MFHAS1: variants seen among roughly 807,000 people sequenced by gnomAD.
MFHAS1 encodes malignant fibrous histiocytoma-amplified sequence 1.
MFHAS1 carries 50 observed loss-of-function variants against 70.4 expected under a neutral mutation model. The observed-to-expected ratio is 0.71, with a 90% confidence interval of 0.57 to 0.90. MFHAS1 has a LOEUF of 0.90. Among genes scored for constraint, MFHAS1 ranks in the 40% least tolerant of loss-of-function variants. The pLI, the probability that MFHAS1 is intolerant of heterozygous loss-of-function variation, is 0.00. For missense variants in MFHAS1, 1,795 were observed against 1,347.6 expected, an observed-to-expected ratio of 1.33 and a Z score of -5.20; for synonymous variants, 952 against 620.0, an observed-to-expected ratio of 1.54 and a Z score of -7.96.
chr8:8,827,484 A>AT (rs1451323766), intron 1 of MFHAS1, among the ~76,000 whole-genome samples: 1 of 152,150 alleles, frequency 6.6e-6, no homozygotes, highest in African/African-American at 2.4e-5. Context: ...AGACCTCTTT[A>AT]TTTTCCTTTG....
At chr8:8,840,682 T>G (rs1807787423) in intron 1 of MFHAS1, among the ~76,000 whole-genome samples, 1 of 152,150 alleles carries the variant, frequency 6.6e-6, no homozygotes, top group South Asian at 2.1e-4. Context: ...AACATTCCTT[T>G]AGGAACAAGT....
chr8:8,875,286 G>A (rs755350339), intron 1 of MFHAS1, among the ~76,000 whole-genome samples: 2 of 152,066 alleles, frequency 1.3e-5, no homozygotes, highest in Non-Finnish European at 2.9e-5. Context: ...AAAAAAAACT[G>A]GGAACAAGAG....
chr8:8,795,869 A>G (rs1023680954), intron 2 of MFHAS1, among the ~76,000 whole-genome samples: 1 of 152,214 alleles, frequency 6.6e-6, no homozygotes, highest in African/African-American at 2.4e-5. Flanking sequence ...GCTTAGATTC[A>G]TACATAATTT....
At chr8:8,849,265 G>C (rs910453543) in intron 1 of MFHAS1, among the ~76,000 whole-genome samples, 3 of 151,864 alleles carry the variant, frequency 2.0e-5, no homozygotes, top group Non-Finnish European at 1.5e-5. Context: ...ATTTTTAATA[G>C]AGACAGGGTT....
intron 2 of MFHAS1, among the ~76,000 whole-genome samples, chr8:8,790,606 C>G (rs1014646666): frequency 2.0e-5 from 3 of 152,218 alleles, no homozygotes; most frequent in Non-Finnish European, 4.4e-5. Context: ...CACAGGCAAC[C>G]TCCACATGTG....
In MFHAS1 at chr8:8,838,170, G is replaced by C. The variant is rs140033577; in HGVS notation, c.2999-40679C>G. Among the ~76,000 whole-genome samples the C allele has an allele frequency of 6.0e-3, 913 of 152,276 alleles. 41 individuals are homozygous for C. The highest frequency in any genetic ancestry group is 2.9e-3 in the East Asian group (15 of 5,182). On this transcript the variant is annotated intron_variant, in intron 1 of 2. Transcript: ENST00000276282. ...GAAAAGGTCAGACAAAAGACTATCCGTTAGGATTTCTACGAAGCTCTAGAC... is the reference window on the plus strand; with the variant it reads ...GAAAAGGTCAGACAAAAGACTATCCCTTAGGATTTCTACGAAGCTCTAGAC...
rs923405383 is a variant in MFHAS1 at position 8,892,738 on chromosome 8, G to C, written c.321C>G (p.Ala107=). 86 of 1,520,824 alleles carry C rather than the reference G, an allele frequency of 5.7e-5. No homozygotes were observed. The highest frequency in any genetic ancestry group is 7.4e-5 in the Non-Finnish European group (83 of 1,126,598). The allele number at this position is 1,520,824 out of a possible 1,614,324, so 94.2% of individuals were successfully genotyped here. Residue 107 remains alanine, a synonymous_variant, in exon 1 of 3, where the codon GCC becomes GCG. Coordinates refer to ENST00000276282, the MANE Select transcript of MFHAS1 (RefSeq NM_004225.3). This position sits in a 1 kb window ranked among gnomAD's most constrained non-coding sequence, Gnocchi z 4.7. Reference sequence around the variant, plus strand: ...GCTCGGTGAGGTGGTGGCCGAGCTCGGCCACCGCCGGGGGCAGCCGGGCGA... The same window carrying C: ...GCTCGGTGAGGTGGTGGCCGAGCTCCGCCACCGCCGGGGGCAGCCGGGCGA... The part of the protein sequence containing the change: ...NRFARLPPAV[A]ELGHHLTELD...
intron 1 of MFHAS1, among the ~76,000 whole-genome samples, chr8:8,805,667 G>A (rs1006859053): frequency 1.3e-5 from 2 of 152,100 alleles, no homozygotes; most frequent in Non-Finnish European, 1.5e-5. Flanking sequence ...TCCCTTTCAT[G>A]ACAACCTTTT....
intron 1 of MFHAS1, among the ~76,000 whole-genome samples, chr8:8,883,229 C>G (rs562546921): frequency 1.3e-5 from 2 of 152,262 alleles, no homozygotes; most frequent in African/African-American, 4.8e-5. Context: ...GATGTGCTTT[C>G]CACAAAGACT....
At chr8:8,874,812 G>A (rs774440397) in intron 1 of MFHAS1, among the ~76,000 whole-genome samples, 6 of 150,850 alleles carry the variant, frequency 4.0e-5, no homozygotes, top group Non-Finnish European at 3.0e-5. Flanking sequence ...AGCAAAGAGG[G>A]GAACAAGCTA....
chr8:8,891,153 G>C lies in MFHAS1; in HGVS notation c.1906C>G (p.Arg636Gly), dbSNP rs898230991. ...PVSCRDPRHL[R>G]RLRDKLLSVA... ...GACAGCAACTTGTCCCGAAGGCGTC[G>C]TAAGTGGCGCGGGTCCCTGCAGCTA... The change falls in exon 1 of 3, where the codon CGA (arginine) becomes GGA (glycine). Residue 636 changes from arginine to glycine, a missense_variant. Coordinates refer to ENST00000276282, the MANE Select transcript of MFHAS1 (RefSeq NM_004225.3). The surrounding 1 kb of genome is among the most constrained non-coding windows in gnomAD (Gnocchi z 5.4). The C allele has an allele frequency of 6.2e-6, 10 of 1,613,584 alleles. No individual in the cohort carries two copies. The highest frequency in any genetic ancestry group is 3.3e-5 in the Admixed American group (2 of 60,028).
chr8:8,871,772 T>C (rs1456347581), intron 1 of MFHAS1, among the ~76,000 whole-genome samples: 4 of 152,236 alleles, frequency 2.6e-5, no homozygotes, highest in African/African-American at 4.8e-5. Flanking sequence ...AAGGCTCAGA[T>C]GCATGGGCTC....
At chr8:8,787,725 G>T (rs1455800569) in intron 2 of MFHAS1, among the ~76,000 whole-genome samples, 1 of 152,172 alleles carries the variant, frequency 6.6e-6, no homozygotes, top group African/African-American at 2.4e-5. Flanking sequence ...GTGAGTTTTG[G>T]GTTCACGTGG....
At chr8:8,812,546 T>C (rs964238632) in intron 1 of MFHAS1, among the ~76,000 whole-genome samples, 5 of 152,170 alleles carry the variant, frequency 3.3e-5, no homozygotes, top group African/African-American at 1.2e-4. Flanking sequence ...ATCACTGTCC[T>C]TTGTTGCCTG....
chr8:8,786,143 A>T lies in MFHAS1; in HGVS notation c.3126-88T>A, dbSNP rs112881325. On this transcript the variant is annotated intron_variant, in intron 2 of 2. Transcript: ENST00000276282. ...CAATAAGAAAAGGAAGTGATGATAG[A>T]AATCTATTTTCTGCACATATTTTCA... is the stretch of plus-strand genomic sequence containing the variant. The T allele has an allele frequency of 3.5e-5, 44 of 1,249,264 alleles. No individual in the cohort carries two copies. The African/African-American group carries it at 5.6e-4, about 16-fold the overall frequency. The allele number at this position is 1,249,264 out of a possible 1,614,324, so 77.4% of individuals were successfully genotyped here. A position where few individuals can be genotyped will look rare whatever the true frequency, so the allele number is the denominator to read the frequency against.
At chr8:8,826,690 G>A (rs949557375) in intron 1 of MFHAS1, among the ~76,000 whole-genome samples, 3 of 152,176 alleles carry the variant, frequency 2.0e-5, no homozygotes, top group African/African-American at 4.8e-5. Flanking sequence ...CTGAGATCAC[G>A]CCACTGCACT....
At chr8:8,808,483 C>T (rs1388232459) in intron 1 of MFHAS1, among the ~76,000 whole-genome samples, 8 of 152,086 alleles carry the variant, frequency 5.3e-5, no homozygotes, top group Non-Finnish European at 1.0e-4. Context: ...GTGATGCTGG[C>T]GATTTGGATC....
rs1161486217 is a variant in MFHAS1, at chr8:8,890,351, T to C, written c.2708A>G (p.Asn903Ser). 6.2e-7 allele frequency: 1 copy of C among 1,614,222 alleles called. No individual in the cohort carries two copies. Among genetic ancestry groups the C allele is most frequent in the South Asian group, 1.1e-5 (1 of 91,086 alleles). The change falls in exon 1 of 3, where the codon AAC (asparagine) becomes AGC (serine). Residue 903 changes from asparagine (N) to serine (S), a missense_variant. Coordinates refer to ENST00000276282, the MANE Select transcript of MFHAS1 (RefSeq NM_004225.3). The part of the protein sequence containing the change: ...GLFARYSVQI[N>S]SHVVHRSDGK... ...ATCCGACCTGTGCACCACATGGCTG[T>C]TGATCTGGACACTGTAGCGTGCAAA...
intron 1 of MFHAS1, among the ~76,000 whole-genome samples, chr8:8,829,524 T>C (rs1807289248): frequency 6.6e-6 from 1 of 151,966 alleles, no homozygotes; most frequent in Non-Finnish European, 1.5e-5. Flanking sequence ...CTACTAAAAA[T>C]ACAAAAATTA....
Sources: gnomAD v4.1 joint callset for allele counts (sites outside exome capture counted in the v4.1 genomes callset) on GRCh38, gnomAD v4.1.1 for gene constraint, Gnocchi (gnomAD v3.1) non-coding constraint, MANE v1.5 for transcripts, NCBI Gene and HGNC (gene_info 2026-07-23, HGNC 2026-07-21) for gene names.